CNTNAP5: variants seen among roughly 807,000 people sequenced by gnomAD.
The protein encoded by CNTNAP5 is contactin associated protein family member 5.
CNTNAP5 carries 72 observed loss-of-function variants against 150.2 expected under a neutral mutation model. That is an observed-to-expected ratio of 0.48 (90% CI 0.40 to 0.58). The LOEUF (loss-of-function observed/expected upper bound fraction) is 0.58, where lower values mean the gene tolerates loss of function less well. CNTNAP5 is among the 20% of genes least tolerant of loss of function. The pLI is 0.00. For synonymous variants in CNTNAP5, 672 were observed against 619.8 expected (o/e 1.08, Z -1.25); for missense variants, 1,636 against 1,626.2 (o/e 1.01, Z -0.10).
intron 1 of CNTNAP5, among the ~76,000 whole-genome samples, chr2:124,216,938 A>T (rs920290671): frequency 1.3e-5 from 2 of 152,122 alleles, no homozygotes; most frequent in Non-Finnish European, 2.9e-5. Flanking sequence ...TGGTATTTCT[A>T]GTTCTAGATC....
chr2:124,214,633 C>A (rs1686109945), intron 1 of CNTNAP5, among the ~76,000 whole-genome samples: 1 of 152,204 alleles, frequency 6.6e-6, no homozygotes, highest in Admixed American at 6.5e-5. Context: ...ATTACTAGTG[C>A]AGGCAGAAGG....
intron 3 of CNTNAP5, among the ~76,000 whole-genome samples, chr2:124,296,534 C>A (rs1236576846): frequency 6.6e-6 from 1 of 152,116 alleles, no homozygotes; most frequent in South Asian, 2.1e-4. Flanking sequence ...ATGTACACTC[C>A]CATCTTTTCC....
At chr2:124,647,258 G>A (rs1345561769) in intron 12 of CNTNAP5, among the ~76,000 whole-genome samples, 1 of 152,208 alleles carries the variant, frequency 6.6e-6, no homozygotes, top group Admixed American at 6.5e-5. Context: ...ATTGCATGCA[G>A]AGTGTGGATC....
intron 7 of CNTNAP5, among the ~76,000 whole-genome samples, chr2:124,485,630 A>AG: frequency 2.0e-5 from 3 of 149,548 alleles, no homozygotes; most frequent in Non-Finnish European, 3.0e-5. Flanking sequence ...AAAAAAAAAA[A>AG]AAAAGAAGAA....
chr2:124,901,202 G>A (rs1678407462), intron 21 of CNTNAP5, among the ~76,000 whole-genome samples: 1 of 151,538 alleles, frequency 6.6e-6, no homozygotes, highest in South Asian at 2.1e-4. Flanking sequence ...TCTCAGACCT[G>A]AAGTTGTAGA....
intron 8 of CNTNAP5, among the ~76,000 whole-genome samples, chr2:124,511,077 T>C (rs1694577918): frequency 6.6e-6 from 1 of 152,208 alleles, no homozygotes; most frequent in African/African-American, 2.4e-5. Flanking sequence ...TAATGATGGA[T>C]GTGGTTGCCG....
intron 14 of CNTNAP5, among the ~76,000 whole-genome samples, chr2:124,754,820 T>C (rs1285868406): frequency 6.6e-6 from 1 of 152,096 alleles, no homozygotes; most frequent in Non-Finnish European, 1.5e-5. Flanking sequence ...CTCAAAGTTA[T>C]GGGATTACAG....
rs147406696 is a variant in CNTNAP5, at chr2:124,448,811, T to C, written c.918+1874T>C. On this transcript the variant is annotated intron_variant, in intron 6 of 23. Coordinates refer to ENST00000682447, the MANE Select transcript of CNTNAP5 (RefSeq NM_001367498.1). ...AAAGCATTCTATAAAACTCAACTGGTATACAGAACTTACAATAATAGATTA... is the reference window on the plus strand; with the variant it reads ...AAAGCATTCTATAAAACTCAACTGGCATACAGAACTTACAATAATAGATTA... Among the ~76,000 whole-genome samples the C allele has an allele frequency of 2.4e-3, 363 of 152,350 alleles. 2 individuals are homozygous for C. The highest frequency in any genetic ancestry group is 8.2e-3 in the African/African-American group (343 of 41,588).
intron 5 of CNTNAP5, among the ~76,000 whole-genome samples, chr2:124,436,641 G>T (rs1010688253): frequency 6.6e-6 from 1 of 152,144 alleles, no homozygotes; most frequent in African/African-American, 2.4e-5. Context: ...TGGCTTTTCT[G>T]AAAATAAGTG....
intron 1 of CNTNAP5, among the ~76,000 whole-genome samples, chr2:124,133,027 G>T (rs1683892108): frequency 6.6e-6 from 1 of 152,160 alleles, no homozygotes; most frequent in African/African-American, 2.4e-5. Flanking sequence ...TAATTACAGT[G>T]CATGTCTTCC....
At chr2:124,037,615 T>A (rs553348589) in intron 1 of CNTNAP5, among the ~76,000 whole-genome samples, 29 of 152,254 alleles carry the variant, frequency 1.9e-4, no homozygotes, top group Middle Eastern at 6.8e-3. Flanking sequence ...CTCACTTATA[T>A]GTGGAATCTA....
intron 1 of CNTNAP5, among the ~76,000 whole-genome samples, chr2:124,162,559 T>C (rs552305064): frequency 6.6e-6 from 1 of 152,286 alleles, no homozygotes; most frequent in Non-Finnish European, 1.5e-5. Flanking sequence ...TTGGGAAAGA[T>C]GACTTGGGGG....
chr2:124,758,819 G>C (rs1490561825), intron 14 of CNTNAP5, among the ~76,000 whole-genome samples: 1 of 152,110 alleles, frequency 6.6e-6, no homozygotes, highest in Non-Finnish European at 1.5e-5. Flanking sequence ...TGAGAAGTCA[G>C]AAGATGAGAT....
intron 16 of CNTNAP5, among the ~76,000 whole-genome samples, chr2:124,771,901 A>G (rs1353702312): frequency 1.3e-5 from 2 of 151,324 alleles, no homozygotes; most frequent in South Asian, 2.1e-4. Flanking sequence ...CACTGCCACT[A>G]TCACTATCAC....
At chr2:124,486,721 T>C (rs1364690338) in intron 7 of CNTNAP5, among the ~76,000 whole-genome samples, 1 of 152,194 alleles carries the variant, frequency 6.6e-6, no homozygotes, top group Non-Finnish European at 1.5e-5. Context: ...ACCACAAGTA[T>C]AGGCCTAGGC....
intron 3 of CNTNAP5, among the ~76,000 whole-genome samples, chr2:124,285,883 C>T (rs1688138336): frequency 6.6e-6 from 1 of 152,094 alleles, no homozygotes; most frequent in Non-Finnish European, 1.5e-5. Flanking sequence ...ATCTTGTTGA[C>T]ACTGTCTCAA....
intron 3 of CNTNAP5, among the ~76,000 whole-genome samples, chr2:124,286,973 C>T (rs1410408972): frequency 6.6e-6 from 1 of 152,150 alleles, no homozygotes; most frequent in East Asian, 1.9e-4. Flanking sequence ...GTGCCCTGAA[C>T]CCAAGTCTCC....
At chr2:124,481,979 C>T (rs185211530) in intron 7 of CNTNAP5, among the ~76,000 whole-genome samples, 6 of 152,272 alleles carry the variant, frequency 3.9e-5, no homozygotes, top group African/African-American at 7.2e-5. Flanking sequence ...ATACAGGAGA[C>T]GGCTTATCCT....
At chr2:124,382,217 G>C (rs776546603) in intron 3 of CNTNAP5, among the ~76,000 whole-genome samples, 8 of 152,106 alleles carry the variant, frequency 5.3e-5, no homozygotes, top group Non-Finnish European at 8.8e-5. Flanking sequence ...CACTTGGCTT[G>C]GCTCTCTGCA....
Sources: allele counts gnomAD v4.1 joint callset (sites outside exome capture counted in the v4.1 genomes callset), GRCh38; gene constraint gnomAD v4.1.1; transcripts MANE v1.5; gene names NCBI Gene and HGNC (gene_info 2026-07-23, HGNC 2026-07-21).